Variants in NFIA observed in about 807,000 individuals in gnomAD.
NFIA encodes nuclear factor I A.
Under a neutral mutation model 62.8 loss-of-function variants are expected in NFIA, and 8 were observed. The observed-to-expected ratio is 0.13, with a 90% CI of 0.07 to 0.23. NFIA has a LOEUF of 0.23. Among genes scored for constraint, NFIA ranks in the 10% least tolerant of loss-of-function variants. The pLI is 1.00. For synonymous variants in NFIA, 235 were observed against 238.1 expected (o/e 0.99, Z 0.12); for missense variants, 410 against 642.1 (o/e 0.64, Z 3.91).
At chr1:61,308,962 G>T (rs745712534) in intron 3 of NFIA, among the ~76,000 whole-genome samples, 1 of 152,136 alleles carries the variant, frequency 6.6e-6, no homozygotes, top group Non-Finnish European at 1.5e-5. Flanking sequence ...TCCAGAAGCC[G>T]TAAGAAATCC....
intron 2 of NFIA, among the ~76,000 whole-genome samples, chr1:61,162,125 T>C (rs1649250318): frequency 6.6e-6 from 1 of 152,182 alleles, no homozygotes; most frequent in African/African-American, 2.4e-5. Context: ...TTTTTTTAAG[T>C]TGAAAAGTAT....
intron 3 of NFIA, among the ~76,000 whole-genome samples, chr1:61,309,489 AAC>A (rs1233658429): frequency 3.7e-5 from 4 of 107,026 alleles, no homozygotes; most frequent in African/African-American, 5.7e-5. Context: ...AAACAACAAC[AAC>A]AAAAAAAAAA....
intron 3 of NFIA, among the ~76,000 whole-genome samples, chr1:61,294,387 C>T (rs1240739612): frequency 3.3e-5 from 5 of 152,142 alleles, no homozygotes; most frequent in Non-Finnish European, 5.9e-5. Context: ...CCTTGATGTT[C>T]GGTTCCTTGT....
At chr1:61,177,040 A>AGCTT (rs1650419592) in intron 2 of NFIA, among the ~76,000 whole-genome samples, 2 of 152,144 alleles carry the variant, frequency 1.3e-5, no homozygotes, top group South Asian at 2.1e-4. Context: ...TGGGAGGCAG[A>AGCTT]GCTTGCAGTG....
At position 61,180,440 on chromosome 1, in the gene NFIA, A is replaced by C. The variant is rs546574754; in HGVS notation, c.559+91760A>C. 5.5e-4 allele frequency among the ~76,000 whole-genome samples: 84 copies of C among 152,286 alleles called. 1 individual carries two copies. In the South Asian group the frequency reaches 7.5e-3, roughly 14 times the overall value. ...AGAAGTGATGGTCCAGAATATTTAT[A>C]TTACTCATTGGATATATTAAATTAA... On this transcript the variant is annotated intron_variant, in intron 2 of 10. Coordinates refer to ENST00000403491, the MANE Select transcript of NFIA (RefSeq NM_001134673.4).
intron 2 of NFIA, among the ~76,000 whole-genome samples, chr1:61,209,371 ATTAT>A (rs1653098467): frequency 6.6e-6 from 1 of 152,064 alleles, no homozygotes; most frequent in South Asian, 2.1e-4. Flanking sequence ...TGGTTTTGTT[ATTAT>A]TTATTTATTT....
intron 2 of NFIA, among the ~76,000 whole-genome samples, chr1:61,155,598 G>A (rs553241016): frequency 6.0e-5 from 9 of 150,434 alleles, no homozygotes; most frequent in East Asian, 2.0e-4. Context: ...GCGTGAACCC[G>A]GGAAGCGGAG....
At chr1:61,164,463 T>C (rs1649430301) in intron 2 of NFIA, among the ~76,000 whole-genome samples, 1 of 151,812 alleles carries the variant, frequency 6.6e-6, no homozygotes, top group African/African-American at 2.4e-5. Context: ...TTTTTGTTTG[T>C]TTGTTTGTTT....
At position 61,406,549 on chromosome 1, in the gene NFIA, C is replaced by T. The variant is rs774633973; in HGVS notation, c.1255-13C>T. 1.1e-5 allele frequency: 11 copies of T among 1,027,970 alleles called. No homozygotes were observed. Among genetic ancestry groups the T allele is most frequent in the African/African-American group, 3.5e-5 (2 of 56,750 alleles). 63.7% of individuals were successfully genotyped at this position (1,027,970 alleles called of 1,614,324 possible). The stretch of plus-strand genomic sequence containing the variant: ...TCTTGTACGTGTGTTTTCTGCCCCC[C>T]CCCCCCCCACAGCCCAATGGGAGCA... On this transcript the variant is annotated splice_polypyrimidine_tract_variant and intron_variant, in intron 8 of 10. Coordinates refer to ENST00000403491, the MANE Select transcript of NFIA (RefSeq NM_001134673.4).
intron 2 of NFIA, among the ~76,000 whole-genome samples, chr1:61,212,054 T>G (rs928310755): frequency 1.3e-5 from 2 of 152,184 alleles, no homozygotes; most frequent in African/African-American, 2.4e-5. Flanking sequence ...GGATTTAAAT[T>G]AGCAAATTGG....
chr1:61,211,675 T>C (rs928328556), intron 2 of NFIA, among the ~76,000 whole-genome samples: 7 of 152,182 alleles, frequency 4.6e-5, no homozygotes, highest in African/African-American at 7.2e-5. Flanking sequence ...TAGAGACTTG[T>C]AGAGAAGGGT....
chr1:61,355,754 A>G (rs1304306131), intron 5 of NFIA, among the ~76,000 whole-genome samples: 3 of 149,556 alleles, frequency 2.0e-5, no homozygotes, highest in African/African-American at 7.3e-5. Flanking sequence ...CTGATTTAAA[A>G]AATATTTTTT....
At chr1:61,229,954 G>A (rs1474058729) in intron 2 of NFIA, among the ~76,000 whole-genome samples, 2 of 152,156 alleles carry the variant, frequency 1.3e-5, no homozygotes, top group African/African-American at 4.8e-5. Context: ...AAACAAAGAT[G>A]GCTGCTATCA....
intron 5 of NFIA, among the ~76,000 whole-genome samples, chr1:61,357,396 G>T (rs1663019650): frequency 1.3e-5 from 2 of 152,316 alleles, no homozygotes; most frequent in South Asian, 4.1e-4. Context: ...GGGAGGCAAG[G>T]TTGGAAGAAA....
At chr1:61,105,817 A>C (rs1646586744) in intron 2 of NFIA, among the ~76,000 whole-genome samples, 1 of 151,864 alleles carries the variant, frequency 6.6e-6, no homozygotes, top group African/African-American at 2.4e-5. Context: ...ATTTTGAAAC[A>C]TACTTTTTAA....
At chr1:61,334,862 C>T (rs1159560915) in intron 4 of NFIA, among the ~76,000 whole-genome samples, 1 of 151,970 alleles carries the variant, frequency 6.6e-6, no homozygotes, top group Non-Finnish European at 1.5e-5. Context: ...GCCTCTCCTC[C>T]TCCTTCCACT....
chr1:61,190,349 T>G (rs1434617092), intron 2 of NFIA, among the ~76,000 whole-genome samples: 2 of 152,206 alleles, frequency 1.3e-5, no homozygotes, highest in Non-Finnish European at 2.9e-5. Context: ...AGCTGTTTAT[T>G]ATTTCTGTGC....
At chr1:61,402,635 A>G (rs1176882351) in intron 7 of NFIA, among the ~76,000 whole-genome samples, 1 of 152,208 alleles carries the variant, frequency 6.6e-6, no homozygotes, top group South Asian at 2.1e-4. Flanking sequence ...GACATCCTCA[A>G]TTGTATGACC....
chr1:61,398,110 C>T (rs769335697), intron 7 of NFIA, among the ~76,000 whole-genome samples: 26 of 152,206 alleles, frequency 1.7e-4, no homozygotes, highest in Admixed American at 3.9e-4. Context: ...AGCCCTTTGC[C>T]TGTATTTGAA....
Sources: gnomAD v4.1 joint callset for allele counts (sites outside exome capture counted in the v4.1 genomes callset) on GRCh38, gnomAD v4.1.1 for gene constraint, MANE v1.5 for transcripts, NCBI Gene and HGNC (gene_info 2026-07-23, HGNC 2026-07-21) for gene names.